CABIN1: variants seen among roughly 807,000 people sequenced by gnomAD.
The protein encoded by CABIN1 is calcineurin-binding protein cabin-1.
A neutral mutation model predicts 227.7 loss-of-function variants in CABIN1; 133 were observed. That is an observed-to-expected ratio of 0.58 (90% CI 0.51 to 0.67). The LOEUF (loss-of-function observed/expected upper bound fraction) is 0.67, where lower values mean the gene tolerates loss of function less well. Among genes scored for constraint, CABIN1 ranks in the 30% least tolerant of loss-of-function variants. The pLI, the probability that CABIN1 is intolerant of heterozygous loss-of-function variation, is 0.00. For missense variants in CABIN1, 2,408 were observed against 2,852.5 expected, an observed-to-expected ratio of 0.84 and a Z score of 3.55; for synonymous variants, 1,086 against 1,155.1, an observed-to-expected ratio of 0.94 and a Z score of 1.21.
chr22:24,035,351 C>A, intron 1 of CABIN1, 93 bp from the exon 2 acceptor site: 1 of 836,394 alleles, frequency 1.2e-6, no homozygotes, highest in Non-Finnish European at 2.0e-6. Context: ...CTGCATAGAG[C>A]TCAGGGAAGG....
intron 28 of CABIN1, among the ~76,000 whole-genome samples, chr22:24,125,605 AG>A (rs1289429293): frequency 2.0e-5 from 3 of 152,210 alleles, no homozygotes; most frequent in Non-Finnish European, 4.4e-5. Flanking sequence ...CCACACAGAT[AG>A]TAGAACCAGG....
In CABIN1 at chr22:24,099,137, G is replaced by T. The variant is rs544833793; in HGVS notation, c.4117+945G>T. Among the ~76,000 whole-genome samples the T allele has an allele frequency of 4.8e-4, 73 of 151,574 alleles. 1 individual carries two copies. The highest frequency in any genetic ancestry group is 8.6e-4 in the Non-Finnish European group (58 of 67,798). ...TGAAGTTCAGTCCCAGTACAGGTCT[G>T]GGGGGGGCCACCACCTTCGCTCTAG... On this transcript the variant is annotated intron_variant, in intron 26 of 36. Transcript: ENST00000263119.
At chr22:24,170,763 C>G (rs1426532470) in intron 33 of CABIN1, among the ~76,000 whole-genome samples, 1 of 149,156 alleles carries the variant, frequency 6.7e-6, no homozygotes, top group East Asian at 2.0e-4. Context: ...CCCCCCCCCC[C>G]GCCCCCATGC....
chr22:24,049,254 C>T (rs760334209), intron 7 of CABIN1, 34 bp downstream of exon 7: 23 of 1,608,664 alleles, frequency 1.4e-5, no homozygotes, highest in African/African-American at 4.0e-5. Flanking sequence ...CATGTGTGCA[C>T]GCTTACTGTG....
In CABIN1 at chr22:24,043,043, A is replaced by G. The variant is rs1436978285; in HGVS notation, c.485A>G (p.Asp162Gly). Residue 162 changes from aspartate to glycine, a missense_variant, in exon 6 of 37, where the codon GAT (aspartate) becomes GGT (glycine). Asp to Gly is a moderately conservative substitution (Grantham distance 94, BLOSUM62 -1). Coordinates refer to ENST00000263119, the MANE Select transcript of CABIN1 (RefSeq NM_012295.4). ...AATCCTGACCACTGGCCCTGTTTGG[A>G]TAACCTAATCACTGTCCTGTACACC... ...RCNPDHWPCL[D>G]NLITVLYTLS... 2 of 1,613,870 alleles carry G rather than the reference A, an allele frequency of 1.2e-6. No homozygotes were observed. The highest frequency in any genetic ancestry group is 2.7e-5 in the African/African-American group (2 of 74,820).
chr22:24,079,097 T>C (rs1329248599), intron 19 of CABIN1, among the ~76,000 whole-genome samples: 3 of 152,210 alleles, frequency 2.0e-5, no homozygotes, highest in Non-Finnish European at 4.4e-5. Context: ...TTAAACTTTT[T>C]AGTATGGAAA....
At chr22:24,045,255 A>G (rs1027800260) in intron 6 of CABIN1, among the ~76,000 whole-genome samples, 5 of 151,894 alleles carry the variant, frequency 3.3e-5, no homozygotes, top group Non-Finnish European at 7.4e-5. Context: ...TTACATACCA[A>G]TATTCACTTT....
intron 29 of CABIN1, among the ~76,000 whole-genome samples, chr22:24,154,970 T>C (rs2045695691): frequency 6.6e-6 from 1 of 151,794 alleles, no homozygotes; most frequent in Non-Finnish European, 1.5e-5. Flanking sequence ...GGAACGGCGC[T>C]ATGTGATAAG....
intron 15 of CABIN1, among the ~76,000 whole-genome samples, chr22:24,064,462 C>T: frequency 6.6e-6 from 1 of 151,154 alleles, no homozygotes; most frequent in Non-Finnish European, 1.5e-5. Flanking sequence ...CTGTCTTGGC[C>T]TCTCGCAGTG....
At chr22:24,169,190 GGA>G (rs1211327729) in intron 33 of CABIN1, among the ~76,000 whole-genome samples, 1 of 152,156 alleles carries the variant, frequency 6.6e-6, no homozygotes, top group Non-Finnish European at 1.5e-5. Flanking sequence ...GATGTGGCAG[GGA>G]GGGGCAGACA....
intron 4 of CABIN1, among the ~76,000 whole-genome samples, chr22:24,038,912 T>C (rs1301324744): frequency 6.6e-6 from 1 of 152,188 alleles, no homozygotes. Context: ...TAAAAGACCA[T>C]GAGCTTGGGA....
intron 17 of CABIN1, 30 bp downstream of exon 17, chr22:24,071,072 TG>T (rs1569165654): frequency 6.2e-7 from 1 of 1,614,126 alleles, no homozygotes; most frequent in East Asian, 2.2e-5. Flanking sequence ...CACCCTGCCC[TG>T]CCCCAGCAGG....
intron 1 of CABIN1, among the ~76,000 whole-genome samples, chr22:24,015,945 G>A (rs942023067): frequency 2.6e-5 from 4 of 152,308 alleles, no homozygotes; most frequent in South Asian, 2.1e-4. Context: ...GCGACAGGGC[G>A]AGACCCGGTC....
intron 12 of CABIN1, 102 bp downstream of exon 12, chr22:24,060,243 A>G: frequency 8.6e-7 from 1 of 1,157,312 alleles, no homozygotes; most frequent in Non-Finnish European, 1.3e-6. Flanking sequence ...GGCTGCATCT[A>G]CTTGTGGGCC....
rs777183344 is a variant in CABIN1 at position 24,157,889 on chromosome 22, G to A, written c.4747-6511G>A. Among the ~76,000 whole-genome samples the A allele has an allele frequency of 1.6e-3, 251 of 152,306 alleles. 5 individuals carry two copies. The highest frequency in any genetic ancestry group is 1.2e-3 in the Admixed American group (18 of 15,308). Reference sequence around the variant, plus strand: ...AGGCCCCTAATCTCCTCTCCCAGCAGCCCTCTCTGCTGAGAGGCTCCATCG... The same window carrying A: ...AGGCCCCTAATCTCCTCTCCCAGCAACCCTCTCTGCTGAGAGGCTCCATCG... On this transcript the variant is annotated intron_variant, in intron 29 of 36. Coordinates refer to ENST00000263119, the MANE Select transcript of CABIN1 (RefSeq NM_012295.4).
At chr22:24,041,366 T>C (rs553183396) in intron 5 of CABIN1, 93 bp downstream of exon 5, 2 of 1,511,674 alleles carry the variant, frequency 1.3e-6, no homozygotes, top group Admixed American at 1.7e-5. Flanking sequence ...AAAGAAGAGT[T>C]TGTAGTGGTG....
At chr22:24,031,494 AT>A (rs2036492933) in intron 1 of CABIN1, among the ~76,000 whole-genome samples, 1 of 151,990 alleles carries the variant, frequency 6.6e-6, no homozygotes. Context: ...TGTCCTTTCC[AT>A]TTTTCCTTCT....
chr22:24,064,229 G>A, intron 15 of CABIN1, 42 bp downstream of exon 15: 1 of 1,609,078 alleles, frequency 6.2e-7, no homozygotes, highest in Non-Finnish European at 8.5e-7. Flanking sequence ...TCCTGAGATG[G>A]AGTTTCACTT....
At chr22:24,073,258 A>G (rs1034880973) in intron 18 of CABIN1, among the ~76,000 whole-genome samples, 98 of 150,868 alleles carry the variant, frequency 6.5e-4, no homozygotes, top group African/African-American at 2.0e-3. Flanking sequence ...TTTTTTTTCC[A>G]TTTTTTGTTT....
Sources: gnomAD v4.1 joint callset for allele counts (sites outside exome capture counted in the v4.1 genomes callset) on GRCh38, gnomAD v4.1.1 for gene constraint, MANE v1.5 for transcripts, NCBI Gene and HGNC (gene_info 2026-07-23, HGNC 2026-07-21) for gene names.